WDR35: variants seen among roughly 807,000 people sequenced by gnomAD.
WDR35 encodes WD repeat-containing protein 35.
Under a neutral mutation model 158.3 loss-of-function variants are expected in WDR35, and 118 were observed. The observed-to-expected ratio is 0.75, with a 90% CI of 0.64 to 0.87. The LOEUF (loss-of-function observed/expected upper bound fraction) is 0.87. Ranked by LOEUF, WDR35 falls within the 40% of genes least tolerant of loss-of-function variation. The pLI is 0.00. For synonymous variants in WDR35, 448 were observed against 476.1 expected, an observed-to-expected ratio of 0.94 and a Z score of 0.77; for missense variants, 1,263 against 1,405.8, an observed-to-expected ratio of 0.90 and a Z score of 1.62.
At chr2:19,926,609 A>C (rs553446192) in intron 25 of WDR35, among the ~76,000 whole-genome samples, 1 of 152,356 alleles carries the variant, frequency 6.6e-6, no homozygotes, top group Non-Finnish European at 1.5e-5. Flanking sequence ...CCCATACACA[A>C]TTGAATCTAG....
At chr2:19,969,265 T>C (rs1481695553) in intron 9 of WDR35, among the ~76,000 whole-genome samples, 3 of 152,212 alleles carry the variant, frequency 2.0e-5, no homozygotes, top group Admixed American at 2.0e-4. Flanking sequence ...AATTACTCCT[T>C]TGAGTGTACC....
chr2:19,982,525 T>A lies in WDR35; in HGVS notation c.152A>T (p.Lys51Ile), dbSNP rs775439381. 6.2e-7 allele frequency: 1 copy of A among 1,613,654 alleles called. No individual in the cohort carries two copies. The change falls in exon 3 of 27, where the codon AAA (lysine) becomes ATA (isoleucine). Residue 51 changes from lysine to isoleucine, a missense_variant. Transcript: ENST00000281405. ...LKLETQTDDA[K>I]LRGLAAPSNL... ...ACTGGGGGCTGCAAGGCCCCTCAAT[T>A]TTGCATCATCTAAAACAAAACAAAA... is the stretch of plus-strand genomic sequence containing the variant.
At chr2:19,966,938 G>A (rs746265174) in intron 9 of WDR35, 29 bp from the exon 10 acceptor site, 8 of 1,603,320 alleles carry the variant, frequency 5.0e-6, no homozygotes, top group Admixed American at 3.3e-5. Flanking sequence ...GGAAAGGGAA[G>A]GAGATTGAAA....
intron 2 of WDR35, among the ~76,000 whole-genome samples, chr2:19,984,545 C>T (rs1395153836): frequency 6.6e-6 from 1 of 152,124 alleles, no homozygotes; most frequent in African/African-American, 2.4e-5. Flanking sequence ...TAAAATAAAG[C>T]ATTTTAAACT....
At chr2:19,918,603 C>T (rs1376471957) in intron 25 of WDR35, among the ~76,000 whole-genome samples, 1 of 152,076 alleles carries the variant, frequency 6.6e-6, no homozygotes, top group East Asian at 1.9e-4. Flanking sequence ...CAATCCTAGT[C>T]TCTGAAAAAA....
At chr2:19,989,142 CAT>C (rs1409035907) in intron 2 of WDR35, 21 bp downstream of exon 2, 5 of 1,602,532 alleles carry the variant, frequency 3.1e-6, no homozygotes, top group South Asian at 2.2e-5. Flanking sequence ...TACTACCAAA[CAT>C]GTGGGCTTGC....
intron 25 of WDR35, among the ~76,000 whole-genome samples, chr2:19,920,280 C>A (rs6740984): frequency 0.46 from 69,635 of 151,938 alleles, 16,173 homozygotes; most frequent in East Asian, 0.63. Context: ...ACAACAACAA[C>A]AAAAAATTTC....
chr2:19,969,663 C>T, intron 8 of WDR35, 58 bp from the exon 9 acceptor site: 1 of 1,555,464 alleles, frequency 6.4e-7, no homozygotes, highest in Non-Finnish European at 8.8e-7. Context: ...ATACAAATTA[C>T]CACCAATCAC....
At chr2:19,961,786 G>C (rs910332053) in intron 10 of WDR35, among the ~76,000 whole-genome samples, 1 of 152,186 alleles carries the variant, frequency 6.6e-6, no homozygotes, top group African/African-American at 2.4e-5. Flanking sequence ...TCTTGAGAAA[G>C]TCAGCCAAAG....
At chr2:19,961,498 G>C (rs910158046) in intron 10 of WDR35, among the ~76,000 whole-genome samples, 3 of 152,194 alleles carry the variant, frequency 2.0e-5, no homozygotes, top group Non-Finnish European at 4.4e-5. Flanking sequence ...CACAGGAGCA[G>C]AGCAGTAAAT....
intron 9 of WDR35, among the ~76,000 whole-genome samples, chr2:19,968,632 G>A (rs1218776958): frequency 1.3e-5 from 2 of 152,082 alleles, no homozygotes; most frequent in African/African-American, 4.8e-5. Context: ...CTTACTTGCT[G>A]GGACTATAAA....
chr2:19,989,927 G>A, intron 1 of WDR35, 65 bp downstream of exon 1: 1 of 1,605,458 alleles, frequency 6.2e-7, no homozygotes, highest in Admixed American at 1.7e-5. Context: ...TCTCGGGAAG[G>A]CAGCGGGAAT....
At chr2:19,926,903 A>ACC (rs58699441) in intron 25 of WDR35, among the ~76,000 whole-genome samples, 6 of 151,478 alleles carry the variant, frequency 4.0e-5, no homozygotes, top group Non-Finnish European at 8.8e-5. Context: ...GATCTCGAGG[A>ACC]CCCCCCCCAC....
intron 25 of WDR35, among the ~76,000 whole-genome samples, chr2:19,929,425 A>G (rs1670459326): frequency 6.6e-6 from 1 of 152,216 alleles, no homozygotes; most frequent in Non-Finnish European, 1.5e-5. Flanking sequence ...TGATGTCACC[A>G]ATATGACAGA....
Position 19,951,534 on chromosome 2 carries a change from A to G in WDR35, c.1401-50T>C, listed in dbSNP as rs1359162360. The G allele has an allele frequency of 8.7e-6, 12 of 1,384,350 alleles. No homozygotes were observed. In the Admixed American group the frequency reaches 1.7e-4, roughly 20 times the overall value. 85.8% of individuals were successfully genotyped at this position (1,384,350 alleles called of 1,614,324 possible). ...AGAAAGTTTAAGTATAGTTTATACTATTTCATAATCTCTAGAATAAACGAT... is the reference window on the plus strand; with the variant it reads ...AGAAAGTTTAAGTATAGTTTATACTGTTTCATAATCTCTAGAATAAACGAT... On this transcript the variant is annotated intron_variant, in intron 12 of 26. Transcript: ENST00000281405.
At chr2:19,953,406 A>G (rs1449089462) in intron 12 of WDR35, among the ~76,000 whole-genome samples, 1 of 152,120 alleles carries the variant, frequency 6.6e-6, no homozygotes, top group African/African-American at 2.4e-5. Context: ...CTTCTTCCAT[A>G]TGTGTGTCTA....
At chr2:19,954,015 C>T in intron 11 of WDR35, 37 bp from the exon 12 acceptor site, 4 of 1,612,460 alleles carry the variant, frequency 2.5e-6, no homozygotes, top group South Asian at 1.1e-5. Flanking sequence ...TACAGTTACA[C>T]AGAATTGCAG....
chr2:19,954,050 A>G (rs1225935760), intron 11 of WDR35, 72 bp from the exon 12 acceptor site: 5 of 1,580,928 alleles, frequency 3.2e-6, no homozygotes, highest in Non-Finnish European at 4.3e-6. Flanking sequence ...AAAGGCCTTT[A>G]GTAATCACGG....
At chr2:19,985,362 G>GTTA (rs1672523664) in intron 2 of WDR35, among the ~76,000 whole-genome samples, 1 of 76,456 alleles carries the variant, frequency 1.3e-5, no homozygotes, top group Non-Finnish European at 2.8e-5. Flanking sequence ...ACCCAGGACC[G>GTTA]TCATCCTCAA....
Sources: allele counts gnomAD v4.1 joint callset (sites outside exome capture counted in the v4.1 genomes callset), GRCh38; gene constraint gnomAD v4.1.1; transcripts MANE v1.5; gene names NCBI Gene and HGNC (gene_info 2026-07-23, HGNC 2026-07-21).